SELE: variants seen among roughly 807,000 people sequenced by gnomAD.
SELE encodes the protein E-selectin.
SELE carries 52 observed loss-of-function variants against 75.8 expected under a neutral mutation model. That is an observed-to-expected ratio of 0.69 (90% CI 0.55 to 0.86). The LOEUF (loss-of-function observed/expected upper bound fraction) is 0.86, where lower values mean the gene tolerates loss of function less well. Among genes scored for constraint, SELE ranks in the 40% least tolerant of loss-of-function variants. The pLI is 0.00. For synonymous variants in SELE, 285 were observed against 258.7 expected (o/e 1.10, Z -0.98); for missense variants, 754 against 732.7 (o/e 1.03, Z -0.34).
At chr1:169,725,595 C>T in intron 13 of SELE, 134 bp downstream of exon 13, 1 of 660,670 alleles carries the variant, frequency 1.5e-6, no homozygotes, top group Non-Finnish European at 2.6e-6. Flanking sequence ...AGCAACTTTC[C>T]AGAACAATAC....
chr1:169,730,546 T>G lies in SELE; in HGVS notation c.601A>C (p.Ser201Arg). ...LVCSHPLGNF[S>R]YNSSCSISCD... ...CTGATAGAGCAGGAAGAATTGTAGC[T>G]GAAGTTTCCCAGTGGGTGACTGCAA... is the stretch of plus-strand genomic sequence containing the variant. Residue 201 changes from serine to arginine, a missense_variant, in exon 5 of 14, where the codon AGC becomes CGC. Physicochemically the swap from Ser to Arg is moderately radical, Grantham distance 110. Coordinates refer to ENST00000333360, the MANE Select transcript of SELE (RefSeq NM_000450.2). The G allele has an allele frequency of 6.2e-7, 1 of 1,614,032 alleles. No homozygotes were observed. Among genetic ancestry groups the G allele is most frequent in the South Asian group, 1.1e-5 (1 of 91,082 alleles).
rs75800608 is a variant in SELE at position 169,732,496 on chromosome 1, T to G, written c.421+119A>C. ...AGCAAAAGAGAGAAACTTTAGCAGTTAAACAGAATCTTTTGGAACATAAAA... is the reference window on the plus strand; with the variant it reads ...AGCAAAAGAGAGAAACTTTAGCAGTGAAACAGAATCTTTTGGAACATAAAA... On this transcript the variant is annotated intron_variant, in intron 3 of 13. Transcript: ENST00000333360. 1.3e-3 allele frequency: 1,710 copies of G among 1,270,882 alleles called. 22 individuals carry two copies. In the African/African-American group the frequency reaches 0.023, roughly 17 times the overall value. 78.7% of individuals were successfully genotyped at this position (1,270,882 alleles called of 1,614,324 possible). A position where few individuals can be genotyped will look rare whatever the true frequency, so the allele number is the denominator to read the frequency against.
At chr1:169,725,146 G>T (rs575690287) in intron 13 of SELE, among the ~76,000 whole-genome samples, 1 of 152,160 alleles carries the variant, frequency 6.6e-6, no homozygotes, top group African/African-American at 2.4e-5. Context: ...CCAGCACTTT[G>T]AGAGGCCAAG....
chr1:169,732,493 A>C lies in SELE; in HGVS notation c.421+122T>G, dbSNP rs1648937754. The C allele has an allele frequency of 2.5e-6, 3 of 1,203,290 alleles. No individual in the cohort carries two copies. In the African/African-American group the frequency reaches 4.5e-5, roughly 18 times the overall value. The allele number at this position is 1,203,290 out of a possible 1,614,324, so 74.5% of individuals were successfully genotyped here. A position where few individuals can be genotyped will look rare whatever the true frequency, so the allele number is the denominator to read the frequency against. On this transcript the variant is annotated intron_variant, in intron 3 of 13. Coordinates refer to ENST00000333360, the MANE Select transcript of SELE (RefSeq NM_000450.2). ...AACAGCAAAAGAGAGAAACTTTAGCAGTTAAACAGAATCTTTTGGAACATA... is the reference window on the plus strand; with the variant it reads ...AACAGCAAAAGAGAGAAACTTTAGCCGTTAAACAGAATCTTTTGGAACATA...
Position 169,726,750 on chromosome 1 carries a change from G to T in SELE, c.1702C>A (p.Leu568Ile). Residue 568 changes from leucine to isoleucine, a missense_variant, in exon 11 of 14, where the codon CTC becomes ATC. Coordinates refer to ENST00000333360, the MANE Select transcript of SELE (RefSeq NM_000450.2). ...VAGLSAAGLSLLTLAPFLLWL... is the reference protein window; with the variant it reads ...VAGLSAAGLSILTLAPFLLWL... ...AGGAGAAATGGTGCTAATGTCAGGA[G>T]GGAGAGTCCAGCAGCAGAAAGTCCA... 6.2e-7 allele frequency: 1 copy of T among 1,613,920 alleles called. No homozygotes were observed. Among genetic ancestry groups the T allele is most frequent in the Admixed American group, 1.7e-5 (1 of 60,018 alleles).
intron 4 of SELE, 181 bp downstream of exon 4, chr1:169,731,654 T>C (rs1271823259): frequency 5.7e-6 from 3 of 527,246 alleles, no homozygotes. Context: ...CCAAAATAAA[T>C]AACTGGTGAA....
chr1:169,733,657 T>C lies in SELE; in HGVS notation c.-45A>G, dbSNP rs1170158261. 1 of 1,581,496 alleles carries C rather than the reference T, an allele frequency of 6.3e-7. No individual in the cohort carries two copies. Among genetic ancestry groups the C allele is most frequent in the Non-Finnish European group, 8.7e-7 (1 of 1,150,658 alleles). ...ACCCAAAGGTTTAGGCTTGAAATACTTTCCTGGGGAGATAAAACACAAAAT... is the reference window on the plus strand; with the variant it reads ...ACCCAAAGGTTTAGGCTTGAAATACCTTCCTGGGGAGATAAAACACAAAAT... On this transcript the variant is annotated 5_prime_UTR_variant, in exon 2 of 14. Transcript: ENST00000333360.
rs147467969 is a variant in SELE at position 169,727,893 on chromosome 1, C to A, written c.1314G>T (p.Lys438Asn). ...VRCDAVHQPP[K>N]GLVRCAHSPI... The stretch of plus-strand genomic sequence containing the variant: ...GGGAATGAGCACACCTCACCAAACC[C>A]TTCGGGGGCTGGTGGACAGCATCGC... Residue 438 changes from lysine to asparagine, a missense_variant, in exon 9 of 14, where the codon AAG (lysine) becomes AAT (asparagine). Coordinates refer to ENST00000333360, the MANE Select transcript of SELE (RefSeq NM_000450.2). 6.2e-7 allele frequency: 1 copy of A among 1,614,092 alleles called. No individual in the cohort carries two copies. Among genetic ancestry groups the A allele is most frequent in the South Asian group, 1.1e-5 (1 of 91,054 alleles).
In SELE at chr1:169,732,992, A is replaced by G. The variant is rs866627871; in HGVS notation, c.44T>C (p.Leu15Pro). 1 of 1,580,770 alleles carries G rather than the reference A, an allele frequency of 6.3e-7. No individual in the cohort carries two copies. The highest frequency in any genetic ancestry group is 8.6e-7 in the Non-Finnish European group (1 of 1,168,274). The change falls in exon 3 of 14, where the codon CTC (leucine) becomes CCC (proline). Residue 15 changes from leucine to proline, a missense_variant. Leu to Pro is a moderately conservative substitution (Grantham distance 98). Coordinates refer to ENST00000333360, the MANE Select transcript of SELE (RefSeq NM_000450.2). ...AGACCAGGCTCCACTCTCTTTAATG[A>G]GAAGCACTAGTGGGAGAAAAAGAAA... ...QFLSALTLVLLIKESGAWSYN... is the reference protein window; with the variant it reads ...QFLSALTLVLPIKESGAWSYN...
rs1179378442 is a variant in SELE at position 169,729,334 on chromosome 1, AGAGCCATTCT to A, written c.932_941del (p.Gln311LeufsTer2). 1 of 1,614,028 alleles carries A rather than the reference AGAGCCATTCT, an allele frequency of 6.2e-7. No individual in the cohort carries two copies. Among genetic ancestry groups the A allele is most frequent in the Non-Finnish European group, 8.5e-7 (1 of 1,180,024 alleles). ...CAGCAGGGGAATGGCTGCACCTCAC[AGAGCCATTCT>A]GAGGCTGGCGGACGGCCCTGCATGT... is the stretch of plus-strand genomic sequence containing the variant. On this transcript the variant is annotated frameshift_variant, in exon 7 of 14. Coordinates refer to ENST00000333360, the MANE Select transcript of SELE (RefSeq NM_000450.2). LOFTEE classifies it high-confidence loss of function.
rs1256337545 is a variant in SELE, at chr1:169,727,337, T to A, written c.1645+12A>T. On this transcript the variant is annotated intron_variant, in intron 10 of 13. Transcript: ENST00000333360. ...TTAATCACCAGACAACCACCATCAA[T>A]CAATGCATCACCTTCACAGGTAGGT... The A allele has an allele frequency of 6.2e-7, 1 of 1,602,880 alleles. No homozygotes were observed. Among genetic ancestry groups the A allele is most frequent in the Admixed American group, 1.7e-5 (1 of 58,090 alleles).
At chr1:169,730,209 A>G (rs201898176) in intron 5 of SELE, among the ~76,000 whole-genome samples, 1 of 152,176 alleles carries the variant, frequency 6.6e-6, no homozygotes, top group East Asian at 1.9e-4. Context: ...ACAAATCACC[A>G]GAGCCTCAGA....
At chr1:169,726,054 T>A in intron 11 of SELE, 126 bp from the exon 12 acceptor site, 1 of 1,070,708 alleles carries the variant, frequency 9.3e-7, no homozygotes, top group Non-Finnish European at 1.4e-6. Context: ...GCCTCTGTAA[T>A]AATCAGAGCA....
rs1250243482 is a variant in SELE, at chr1:169,723,862, A to G, written c.*663T>C. 1 of 152,236 alleles carries G rather than the reference A, an allele frequency of 6.6e-6. No individual in the cohort carries two copies. The highest frequency in any genetic ancestry group is 1.5e-5 in the Non-Finnish European group (1 of 68,042). The allele number at this position is 152,236 out of a possible 1,614,324, so 9.4% of individuals were successfully genotyped here. On this transcript the variant is annotated 3_prime_UTR_variant, in exon 14 of 14. Transcript: ENST00000333360. Reference sequence around the variant, plus strand: ...AGTATGGAAGATTATAATATATTCAATGCAAGTAAAAATATCACAATCCTT... The same window carrying G: ...AGTATGGAAGATTATAATATATTCAGTGCAAGTAAAAATATCACAATCCTT...
chr1:169,723,580 A>G lies in SELE; in HGVS notation c.*945T>C, dbSNP rs982556661. On this transcript the variant is annotated 3_prime_UTR_variant, in exon 14 of 14. Coordinates refer to ENST00000333360, the MANE Select transcript of SELE (RefSeq NM_000450.2). ...ATATCTGACAATATACAAACCTTCC[A>G]TTCAGTTTTTACTCTCCAATTCTAC... 6.6e-6 allele frequency: 1 copy of G among 152,218 alleles called. No individual in the cohort carries two copies. Among genetic ancestry groups the G allele is most frequent in the Non-Finnish European group, 1.5e-5 (1 of 68,034 alleles). The allele number at this position is 152,218 out of a possible 1,614,324, so 9.4% of individuals were successfully genotyped here.
rs781600958 is a variant in SELE, at chr1:169,727,365, C to A, written c.1629G>T (p.Leu543=). The A allele has an allele frequency of 1.9e-6, 3 of 1,612,436 alleles. No individual in the cohort carries two copies. Among genetic ancestry groups the A allele is most frequent in the Non-Finnish European group, 2.5e-6 (3 of 1,179,368 alleles). Residue 543 remains leucine (L), a synonymous_variant, in exon 10 of 14, where the codon CTG becomes CTT. Transcript: ENST00000333360. ...ATGCATCACCTTCACAGGTAGGTAG[C>A]AGGCCAGACCAGTGTCCTGTGGCTC... ...TCGATGHWSG[L]LPTCEAPTES... is the part of the protein sequence containing the mutation.
intron 1 of SELE, 34 bp from the exon 2 acceptor site, chr1:169,733,694 G>C (rs1648975263): frequency 7.4e-7 from 1 of 1,353,836 alleles, no homozygotes; most frequent in South Asian, 1.2e-5. Context: ...AATTAAAGAA[G>C]GAAATCGTGG....
At chr1:169,724,885 C>T (rs955724881) in intron 13 of SELE, among the ~76,000 whole-genome samples, 1 of 152,110 alleles carries the variant, frequency 6.6e-6, no homozygotes, top group African/African-American at 2.4e-5. Flanking sequence ...AAACCGCACA[C>T]ACAAAAAAAG....
chr1:169,730,307 T>C (rs377587499), intron 5 of SELE, 125 bp downstream of exon 5: 2 of 877,772 alleles, frequency 2.3e-6, no homozygotes, highest in South Asian at 2.1e-5. Context: ...AGAGAACAAA[T>C]TGTATTAAAA....
Sources: allele counts gnomAD v4.1 joint callset (sites outside exome capture counted in the v4.1 genomes callset), GRCh38; gene constraint gnomAD v4.1.1; transcripts MANE v1.5; gene names NCBI Gene and HGNC (gene_info 2026-07-23, HGNC 2026-07-21).